RBMS1: variants seen among roughly 807,000 people sequenced by gnomAD.
The protein encoded by RBMS1 is RNA-binding motif, single-stranded-interacting protein 1.
In RBMS1, 17 loss-of-function variants were observed where a neutral mutation model predicts 62.3. The observed-to-expected ratio is 0.27, with a 90% CI of 0.19 to 0.41. RBMS1 has a LOEUF of 0.41. Among genes scored for constraint, RBMS1 ranks in the 10% least tolerant of loss-of-function variants. RBMS1 has a pLI of 1.00. For missense variants in RBMS1, 334 were observed against 504.5 expected (o/e 0.66, Z 3.24); for synonymous variants, 172 against 170.0 (o/e 1.01, Z -0.09).
chr2:160,491,549 G>C (rs539044182), intron 1 of RBMS1, among the ~76,000 whole-genome samples: 1 of 152,166 alleles, frequency 6.6e-6, no homozygotes, highest in East Asian at 1.9e-4. Flanking sequence ...ACATTAAATG[G>C]TATGGACTTG....
chr2:160,333,097 T>C (rs940691301), intron 2 of RBMS1, among the ~76,000 whole-genome samples: 3 of 151,996 alleles, frequency 2.0e-5, no homozygotes, highest in African/African-American at 7.2e-5. Context: ...GAGTTCACTC[T>C]TTGCAGACCT....
chr2:160,486,859 G>A (rs976410116), intron 1 of RBMS1, among the ~76,000 whole-genome samples: 1 of 152,064 alleles, frequency 6.6e-6, no homozygotes, highest in Non-Finnish European at 1.5e-5. Context: ...CCCCTTTGCC[G>A]GAAGCAAAGC....
intron 1 of RBMS1, among the ~76,000 whole-genome samples, chr2:160,454,852 G>A (rs375756063): frequency 5.3e-5 from 8 of 152,144 alleles, no homozygotes; most frequent in Non-Finnish European, 1.2e-4. Flanking sequence ...TTTCTTTTAG[G>A]TAGAATTACT....
rs75636348 is a variant in RBMS1 at position 160,372,982 on chromosome 2, A to C, written c.76-5591T>G. Among the ~76,000 whole-genome samples the C allele has an allele frequency of 3.5e-4, 53 of 152,294 alleles. 1 individual carries two copies. The East Asian group carries it at 9.4e-3, about 27-fold the overall frequency. ...ATGGAGTTAAGGAAATAATCAATTA[A>C]TCCCATTTGATAACAAGGATATCAA... On this transcript the variant is annotated intron_variant, in intron 1 of 13. Transcript: ENST00000348849.
chr2:160,456,105 T>A (rs928495020), intron 1 of RBMS1, among the ~76,000 whole-genome samples: 13 of 152,186 alleles, frequency 8.5e-5, no homozygotes, highest in Admixed American at 7.2e-4. Flanking sequence ...ACAGGCAATG[T>A]GAAAAGAGTG....
Position 160,493,484 on chromosome 2 carries a change from C to A in RBMS1, c.-121G>T. ...GCGGCGGCGGCGGCGGCGGCTGCTG[C>A]TGCTGCCGCTGCTCCACCTCCCAGC... is the stretch of plus-strand genomic sequence containing the variant. On this transcript the variant is annotated 5_prime_UTR_variant, in exon 1 of 14. Coordinates refer to ENST00000348849, the MANE Select transcript of RBMS1 (RefSeq NM_016836.4). 1 of 793,064 alleles carries A rather than the reference C, an allele frequency of 1.3e-6. No homozygotes were observed. Among genetic ancestry groups the A allele is most frequent in the Non-Finnish European group, 2.1e-6 (1 of 472,752 alleles). The allele number at this position is 793,064 out of a possible 1,614,324, so 49.1% of individuals were successfully genotyped here. A position where few individuals can be genotyped will look rare whatever the true frequency, so the allele number is the denominator to read the frequency against.
At position 160,321,429 on chromosome 2, in the gene RBMS1, C is replaced by T. The variant is rs185137032; in HGVS notation, c.252-3202G>A. ...CTTCTCTTAGGAAATTCATTCAGTG[C>T]CATGTTTTTAATTAATGAATCTCCT... On this transcript the variant is annotated intron_variant, in intron 2 of 13. Transcript: ENST00000348849. Among the ~76,000 whole-genome samples the T allele has an allele frequency of 2.6e-5, 4 of 152,244 alleles. No homozygotes were observed. In the East Asian group the frequency reaches 7.7e-4, roughly 29 times the overall value.
At chr2:160,421,198 AG>A (rs1696410280) in intron 1 of RBMS1, among the ~76,000 whole-genome samples, 1 of 151,640 alleles carries the variant, frequency 6.6e-6, no homozygotes, top group Admixed American at 6.6e-5. Context: ...TACAACGTGC[AG>A]GTTTGTTACA....
intron 1 of RBMS1, among the ~76,000 whole-genome samples, chr2:160,466,051 G>A (rs1574094646): frequency 6.6e-6 from 1 of 152,080 alleles, no homozygotes; most frequent in African/African-American, 2.4e-5. Context: ...CACACAAAGT[G>A]TTTTAAGTGT....
chr2:160,470,268 T>A (rs1559592214), intron 1 of RBMS1, among the ~76,000 whole-genome samples: 2 of 152,224 alleles, frequency 1.3e-5, no homozygotes. Context: ...TTCCTGATTA[T>A]ATGAAAAAGT....
intron 2 of RBMS1, among the ~76,000 whole-genome samples, chr2:160,330,102 T>C (rs1691173053): frequency 6.6e-6 from 1 of 152,154 alleles, no homozygotes; most frequent in Non-Finnish European, 1.5e-5. Context: ...ATTTCTACTT[T>C]GGGGAGTGGT....
chr2:160,406,856 A>G (rs1695736935), intron 1 of RBMS1, among the ~76,000 whole-genome samples: 1 of 152,238 alleles, frequency 6.6e-6, no homozygotes, highest in Non-Finnish European at 1.5e-5. Flanking sequence ...AATAGGAAAG[A>G]GCATGTGTAT....
chr2:160,415,057 T>C (rs1303517642), intron 1 of RBMS1, among the ~76,000 whole-genome samples: 1 of 152,038 alleles, frequency 6.6e-6, no homozygotes, highest in Non-Finnish European at 1.5e-5. Flanking sequence ...TTTTCATATA[T>C]TGTGAATTGC....
chr2:160,459,063 C>T (rs965717557), intron 1 of RBMS1, among the ~76,000 whole-genome samples: 2 of 152,128 alleles, frequency 1.3e-5, no homozygotes, highest in African/African-American at 4.8e-5. Context: ...GACCTAATAC[C>T]CATCATACAG....
chr2:160,382,143 CT>C (rs1203246637), intron 1 of RBMS1, among the ~76,000 whole-genome samples: 1 of 152,138 alleles, frequency 6.6e-6, no homozygotes, highest in Non-Finnish European at 1.5e-5. Flanking sequence ...AACCATGAAG[CT>C]GCTGCAGTGA....
chr2:160,465,525 G>A (rs1684651178), intron 1 of RBMS1, among the ~76,000 whole-genome samples: 1 of 152,090 alleles, frequency 6.6e-6, no homozygotes. Flanking sequence ...TCTCAGAGAA[G>A]TACTCTAGAT....
intron 1 of RBMS1, among the ~76,000 whole-genome samples, chr2:160,458,811 A>C (rs1684349960): frequency 6.6e-6 from 1 of 152,064 alleles, no homozygotes. Flanking sequence ...AAAAAAAAAA[A>C]ATCTCCAAAG....
At chr2:160,461,819 GGAGA>G (rs986667751) in intron 1 of RBMS1, among the ~76,000 whole-genome samples, 1 of 152,236 alleles carries the variant, frequency 6.6e-6, no homozygotes, top group Admixed American at 6.5e-5. Flanking sequence ...ATCATAGCAA[GGAGA>G]GAGAGTTTCG....
chr2:160,405,855 A>G (rs1179281211), intron 1 of RBMS1, among the ~76,000 whole-genome samples: 1 of 152,148 alleles, frequency 6.6e-6, no homozygotes, highest in Non-Finnish European at 1.5e-5. Context: ...CAACAAATAA[A>G]TGAATACACA....
Sources: gnomAD v4.1 joint callset for allele counts (sites outside exome capture counted in the v4.1 genomes callset) on GRCh38, gnomAD v4.1.1 for gene constraint, MANE v1.5 for transcripts, NCBI Gene and HGNC (gene_info 2026-07-23, HGNC 2026-07-21) for gene names.